Variants in RAD51B observed in about 807,000 individuals in gnomAD.
RAD51B encodes RAD51 paralog B.
Under a neutral mutation model 42.2 loss-of-function variants are expected in RAD51B, and 38 were observed. The observed-to-expected ratio is 0.90, with a 90% CI of 0.70 to 1.18. The LOEUF (loss-of-function observed/expected upper bound fraction) is 1.18, where lower values mean the gene tolerates loss of function less well. RAD51B is among the 50% of genes most tolerant of loss of function. The pLI is 0.00. For synonymous variants in RAD51B, 154 were observed against 145.2 expected (o/e 1.06, Z -0.43); for missense variants, 373 against 400.7 (o/e 0.93, Z 0.59).
chr14:68,039,068 T>G (rs1033606174), intron 7 of RAD51B, among the ~76,000 whole-genome samples: 16 of 152,084 alleles, frequency 1.1e-4, no homozygotes, highest in South Asian at 1.0e-3. Context: ...AGGGGCTGAT[T>G]TATTGTTTTG....
In RAD51B at chr14:68,562,233, A is replaced by G. The variant is rs918935005; in HGVS notation, c.1037-32252A>G. On this transcript the variant is annotated intron_variant, in intron 10 of 10. Transcript: ENST00000487270. ...CCAGACATTTGCAGCCCTTCCAGTG[A>G]TACTGAAAGAACCACTCAACAGGTG... 18 of 985,270 alleles carry G rather than the reference A, an allele frequency of 1.8e-5. No homozygotes were observed. The African/African-American group carries it at 2.8e-4, about 15-fold the overall frequency. 61.0% of individuals were successfully genotyped at this position (985,270 alleles called of 1,614,324 possible).
At chr14:68,347,807 C>G (rs927080518) in intron 8 of RAD51B, among the ~76,000 whole-genome samples, 3 of 152,176 alleles carry the variant, frequency 2.0e-5, no homozygotes, top group African/African-American at 7.2e-5. Flanking sequence ...AACACCCATA[C>G]ACAGTAAGAT....
downstream of RAD51B, among the ~76,000 whole-genome samples, chr14:68,482,774 G>A (rs760667464): frequency 5.3e-5 from 8 of 152,196 alleles, no homozygotes; most frequent in Non-Finnish European, 1.2e-4. Flanking sequence ...ATTTCGGTGA[G>A]GGCAGGGTTC....
chr14:68,501,459 CA>C (rs1884912195), intron 10 of RAD51B, among the ~76,000 whole-genome samples: 1 of 152,210 alleles, frequency 6.6e-6, no homozygotes, highest in African/African-American at 2.4e-5. Flanking sequence ...GCCAAGGCCC[CA>C]TGGAGCTTTG....
At chr14:68,399,903 T>C (rs976980456) in intron 8 of RAD51B, among the ~76,000 whole-genome samples, 1 of 152,226 alleles carries the variant, frequency 6.6e-6, no homozygotes, top group Non-Finnish European at 1.5e-5. Context: ...CATGGCATTT[T>C]AGTTGAAATG....
intron 10 of RAD51B, among the ~76,000 whole-genome samples, chr14:68,566,830 C>G (rs959133918): frequency 2.6e-5 from 4 of 152,146 alleles, no homozygotes; most frequent in African/African-American, 9.6e-5. Flanking sequence ...TCTTCATTAT[C>G]TGGCCCCAAC....
At chr14:68,336,147 G>T (rs764750887) in intron 8 of RAD51B, among the ~76,000 whole-genome samples, 53 of 152,304 alleles carry the variant, frequency 3.5e-4, no homozygotes, top group Non-Finnish European at 7.5e-4. Flanking sequence ...AATGATGTCT[G>T]ATATATAATG....
Position 67,841,732 on chromosome 14 carries a change from G to A in RAD51B, c.315+6536G>A, listed in dbSNP as rs566114650. On this transcript the variant is annotated intron_variant, in intron 4 of 10. Transcript: ENST00000471583. ...TTGTCAAAGATCAGAGGTTGTAAGTGTGTGGTTTCATTTCTGGGTTCTCTA... is the reference window on the plus strand; with the variant it reads ...TTGTCAAAGATCAGAGGTTGTAAGTATGTGGTTTCATTTCTGGGTTCTCTA... 4.6e-5 allele frequency among the ~76,000 whole-genome samples: 7 copies of A among 152,226 alleles called. No homozygotes were observed. In the East Asian group the frequency reaches 1.4e-3, roughly 29 times the overall value.
At chr14:68,375,797 G>A (rs906866589) in intron 8 of RAD51B, among the ~76,000 whole-genome samples, 1 of 152,026 alleles carries the variant, frequency 6.6e-6, no homozygotes, top group Admixed American at 6.6e-5. Context: ...GGCTTGGGGA[G>A]CCTTATTCTG....
At chr14:68,145,586 T>C (rs1232065649) in intron 7 of RAD51B, among the ~76,000 whole-genome samples, 1 of 152,226 alleles carries the variant, frequency 6.6e-6, no homozygotes, top group Non-Finnish European at 1.5e-5. Context: ...TTAAAATAGG[T>C]ATTTCATTAT....
At chr14:67,961,061 C>T (rs2074655109) in intron 7 of RAD51B, among the ~76,000 whole-genome samples, 1 of 152,106 alleles carries the variant, frequency 6.6e-6, no homozygotes. Context: ...AGGCTGAGTG[C>T]AGTGGCATGA....
intron 9 of RAD51B, among the ~76,000 whole-genome samples, chr14:68,426,565 G>A (rs937376508): frequency 6.6e-6 from 1 of 152,170 alleles, no homozygotes; most frequent in African/African-American, 2.4e-5. Flanking sequence ...TTTAAACCAT[G>A]ACATCGAAGA....
intron 7 of RAD51B, among the ~76,000 whole-genome samples, chr14:68,082,748 T>C (rs1213129353): frequency 1.3e-5 from 2 of 152,198 alleles, no homozygotes; most frequent in Non-Finnish European, 2.9e-5. Context: ...ACATTTATGT[T>C]GTTGCCAGTC....
In RAD51B at chr14:68,144,613, G is replaced by A. The variant is rs182913928; in HGVS notation, c.757-147271G>A. Among the ~76,000 whole-genome samples the A allele has an allele frequency of 1.8e-3, 278 of 152,174 alleles. 3 individuals carry two copies. Among genetic ancestry groups the A allele is most frequent in the Non-Finnish European group, 6.9e-4 (47 of 67,994 alleles). ...CTCTGCTGCTCTTTCTGGAAACTTC[G>A]TTAACTATCTTGCCCTATACCTGGC... On this transcript the variant is annotated intron_variant, in intron 7 of 10. Transcript: ENST00000471583.
chr14:68,281,832 T>C (rs1028473044), intron 7 of RAD51B, among the ~76,000 whole-genome samples: 5 of 152,196 alleles, frequency 3.3e-5, no homozygotes, highest in African/African-American at 7.2e-5. Context: ...CTCTAGCGAC[T>C]CTTGAGTCCT....
chr14:68,428,926 C>T (rs1475731968), intron 9 of RAD51B, among the ~76,000 whole-genome samples: 1 of 149,500 alleles, frequency 6.7e-6, no homozygotes, highest in Non-Finnish European at 1.5e-5. Context: ...CCACGACAGG[C>T]CCCAGTGTGT....
chr14:68,609,772 A>G lies in RAD51B; in HGVS notation c.1037-1234A>G, dbSNP rs978542049. 6.6e-5 allele frequency among the ~76,000 whole-genome samples: 10 copies of G among 152,180 alleles called. 1 individual carries two copies. The Middle Eastern group carries it at 0.01, about 155-fold the overall frequency. On this transcript the variant is annotated intron_variant, in intron 10 of 10. Transcript: ENST00000487861. ...GGGTCCTTTCACCTTCCTCTTCTCC[A>G]GCCCTGGCCATCGGCTGCTACTGAA...
intron 7 of RAD51B, among the ~76,000 whole-genome samples, chr14:68,057,683 T>C (rs2076499478): frequency 6.6e-6 from 1 of 152,038 alleles, no homozygotes; most frequent in Non-Finnish European, 1.5e-5. Context: ...AAATTGCTGG[T>C]TTCTGTATTT....
chr14:68,588,325 G>A (rs1425586337), intron 10 of RAD51B, among the ~76,000 whole-genome samples: 1 of 152,132 alleles, frequency 6.6e-6, no homozygotes, highest in Non-Finnish European at 1.5e-5. Flanking sequence ...GATTGCTCAG[G>A]GAACATCAAA....
Sources: gnomAD v4.1 joint callset for allele counts (sites outside exome capture counted in the v4.1 genomes callset) on GRCh38, gnomAD v4.1.1 for gene constraint, MANE v1.5 for transcripts, NCBI Gene and HGNC (gene_info 2026-07-23, HGNC 2026-07-21) for gene names.